The following SLAIN2 variants were observed in gnomAD, a reference collection of about 807,000 sequenced individuals.
SLAIN2 encodes the protein SLAIN family member 2.
In SLAIN2, 31 loss-of-function variants were observed where a neutral mutation model predicts 56.6. The observed-to-expected ratio is 0.55, with a 90% CI of 0.41 to 0.74. The LOEUF (loss-of-function observed/expected upper bound fraction) is 0.74, where lower values mean the gene tolerates loss of function less well. SLAIN2 is among the 30% of genes least tolerant of loss of function. SLAIN2 has a pLI of 0.00. For synonymous variants in SLAIN2, 317 were observed against 284.9 expected, an observed-to-expected ratio of 1.11 and a Z score of -1.13; for missense variants, 777 against 754.2, an observed-to-expected ratio of 1.03 and a Z score of -0.35.
intron 6 of SLAIN2, among the ~76,000 whole-genome samples, chr4:48,410,279 GT>G (rs767661540): frequency 0.054 from 7,354 of 136,138 alleles, 529 homozygotes; most frequent in African/African-American, 0.17. Context: ...TGTTTTTTTA[GT>G]TTTTTTTTTT....
At chr4:48,351,707 G>A (rs1005837172) in intron 1 of SLAIN2, among the ~76,000 whole-genome samples, 1 of 152,244 alleles carries the variant, frequency 6.6e-6, no homozygotes, top group African/African-American at 2.4e-5. Flanking sequence ...CTAACGCCAT[G>A]TCTGGCCAGT....
chr4:48,362,087 C>G (rs1288491327), intron 1 of SLAIN2, among the ~76,000 whole-genome samples: 2 of 150,618 alleles, frequency 1.3e-5, no homozygotes, highest in East Asian at 3.9e-4. Context: ...TATGCAGGAT[C>G]ATGTCTGCGA....
chr4:48,420,495 G>T lies in SLAIN2; in HGVS notation c.1679+52G>T. On this transcript the variant is annotated intron_variant, in intron 7 of 7. Transcript: ENST00000264313. ...ATTCTTGAGTGCCTGAAAGTGGATA[G>T]ACTGGAATGAATTAGCTTCATCCGT... The T allele has an allele frequency of 2.5e-6, 4 of 1,584,980 alleles. No homozygotes were observed. The South Asian group carries it at 4.5e-5, about 18-fold the overall frequency.
intron 1 of SLAIN2, among the ~76,000 whole-genome samples, chr4:48,344,551 C>G (rs529877319): frequency 6.6e-6 from 1 of 152,268 alleles, no homozygotes; most frequent in Non-Finnish European, 1.5e-5. Flanking sequence ...TTCTTTAATG[C>G]TGGGCTCCTG....
At chr4:48,394,773 T>C in intron 6 of SLAIN2, 3 of 686,220 alleles carry the variant, frequency 4.4e-6, no homozygotes, top group Non-Finnish European at 7.1e-6. Context: ...TTTTAAAGAA[T>C]AATAAAATAA....
intron 2 of SLAIN2, among the ~76,000 whole-genome samples, chr4:48,372,833 GCTTTTACAAGTTTGAA>G (rs1715705022): frequency 6.6e-6 from 1 of 151,954 alleles, no homozygotes; most frequent in Admixed American, 6.6e-5. Context: ...AAAAATTTTG[GCTTTTACAAGTTTGAA>G]CTTTGTAGTT....
intron 1 of SLAIN2, among the ~76,000 whole-genome samples, chr4:48,362,347 A>G (rs1381034218): frequency 6.6e-6 from 1 of 151,142 alleles, no homozygotes; most frequent in Non-Finnish European, 1.5e-5. Flanking sequence ...GTGGACTTGA[A>G]CTTTTCTTTC....
chr4:48,404,827 CATT>C (rs912374366), intron 6 of SLAIN2, among the ~76,000 whole-genome samples: 1 of 152,174 alleles, frequency 6.6e-6, no homozygotes, highest in African/African-American at 2.4e-5. Flanking sequence ...CAATCAACCT[CATT>C]ATATTTTTAT....
chr4:48,408,103 G>A (rs1716747211), intron 6 of SLAIN2, among the ~76,000 whole-genome samples: 1 of 152,162 alleles, frequency 6.6e-6, no homozygotes, highest in South Asian at 2.1e-4. Context: ...TTGGGCGGCT[G>A]AGGTAGGAGG....
chr4:48,346,835 CTTTTTTT>C (rs71191209), intron 1 of SLAIN2, among the ~76,000 whole-genome samples: 3 of 127,980 alleles, frequency 2.3e-5, no homozygotes, highest in East Asian at 2.2e-4. Context: ...TTCTATTTCC[CTTTTTTT>C]TTTTTTTTTT....
intron 5 of SLAIN2, 27 bp downstream of exon 5, chr4:48,382,954 TAGAC>T (rs1716007790): frequency 3.9e-6 from 6 of 1,552,250 alleles, no homozygotes; most frequent in African/African-American, 1.4e-5. Context: ...TACTAATAAT[TAGAC>T]AGTTTCTGCT....
chr4:48,397,312 A>G (rs994860778), intron 6 of SLAIN2, among the ~76,000 whole-genome samples: 2 of 152,172 alleles, frequency 1.3e-5, no homozygotes, highest in Non-Finnish European at 2.9e-5. Flanking sequence ...TGCGGCCAAC[A>G]AACATATGAA....
At chr4:48,356,158 A>C (rs999264257) in intron 1 of SLAIN2, among the ~76,000 whole-genome samples, 6 of 152,212 alleles carry the variant, frequency 3.9e-5, no homozygotes, top group African/African-American at 1.2e-4. Context: ...ATTTGCTGAA[A>C]ATATGACGTT....
chr4:48,354,884 ATTTTC>A (rs149550474), intron 1 of SLAIN2, among the ~76,000 whole-genome samples: 79,099 of 150,902 alleles, frequency 0.52, 21,699 homozygotes, highest in South Asian at 0.69. Flanking sequence ...AAAATGTAAA[ATTTTC>A]TTTTCTTTTC....
At chr4:48,414,772 T>C (rs866488279) in intron 6 of SLAIN2, among the ~76,000 whole-genome samples, 2 of 95,466 alleles carry the variant, frequency 2.1e-5, no homozygotes, top group African/African-American at 8.5e-5. Context: ...TGTGATCTCA[T>C]TGTTCAATTC....
intron 2 of SLAIN2, among the ~76,000 whole-genome samples, chr4:48,370,452 C>T (rs989479701): frequency 6.6e-6 from 1 of 152,150 alleles, no homozygotes; most frequent in Non-Finnish European, 1.5e-5. Flanking sequence ...GCTCAGTTGT[C>T]TCATAAGAAT....
Position 48,420,320 on chromosome 4 carries a change from A to T in SLAIN2, c.1556A>T (p.Asn519Ile). The T allele has an allele frequency of 6.2e-7, 1 of 1,613,956 alleles. No homozygotes were observed. Among genetic ancestry groups the T allele is most frequent in the Non-Finnish European group, 8.5e-7 (1 of 1,179,874 alleles). ...TCAGCAAATCCTCCCAGCAATATCA[A>T]CAGCGCTACTCTAACCAGACCTGCA... ...TVSANPPSNI[N>I]SATLTRPAGT... Residue 519 changes from asparagine to isoleucine, a missense_variant, in exon 7 of 8, where the codon AAC becomes ATC. Physicochemically the swap from Asn to Ile is moderately radical, Grantham distance 149 (BLOSUM62 -3). Coordinates refer to ENST00000264313, the MANE Select transcript of SLAIN2 (RefSeq NM_020846.2).
intron 6 of SLAIN2, among the ~76,000 whole-genome samples, chr4:48,410,124 A>C (rs1488702416): frequency 6.6e-6 from 1 of 152,036 alleles, no homozygotes; most frequent in Non-Finnish European, 1.5e-5. Flanking sequence ...GTTGTCTTTT[A>C]TTTTAGCGAT....
intron 1 of SLAIN2, among the ~76,000 whole-genome samples, chr4:48,347,802 TTCTGCTTC>T (rs1454084150): frequency 2.6e-5 from 4 of 152,200 alleles, no homozygotes; most frequent in Non-Finnish European, 5.9e-5. Flanking sequence ...GCAACTACCA[TTCTGCTTC>T]TCTGTCTATG....
Sources: allele counts gnomAD v4.1 joint callset (sites outside exome capture counted in the v4.1 genomes callset), GRCh38; gene constraint gnomAD v4.1.1; transcripts MANE v1.5; gene names NCBI Gene and HGNC (gene_info 2026-07-23, HGNC 2026-07-21).